The following AGBL1 variants were observed in gnomAD, a reference collection of about 807,000 sequenced individuals.
AGBL1 encodes AGBL carboxypeptidase 1.
Under a neutral mutation model 118.9 loss-of-function variants are expected in AGBL1, and 130 were observed. The ratio of observed to expected loss-of-function variants is 1.09; its 90% CI spans 0.95 to 1.26. AGBL1 has a LOEUF of 1.26. Ranked by LOEUF, AGBL1 falls within the 50% of genes most tolerant of loss-of-function variation. The probability of loss-of-function intolerance (pLI) is 0.00; values close to 1 mark genes in which losing one functional copy is unlikely to be tolerated. For synonymous variants in AGBL1, 555 were observed against 478.9 expected (o/e 1.16, Z -2.08); for missense variants, 1,584 against 1,298.1 (o/e 1.22, Z -3.38).
chr15:86,934,111 A>G (rs1055615328), intron 23 of AGBL1, among the ~76,000 whole-genome samples: 1 of 152,142 alleles, frequency 6.6e-6, no homozygotes, highest in African/African-American at 2.4e-5. Flanking sequence ...TTTTTCATCC[A>G]TTATCTCTTC....
rs1426671482 is a variant in AGBL1 at position 86,909,991 on chromosome 15, G to C, written c.*2697G>C. On this transcript the variant is annotated 3_prime_UTR_variant, in exon 23 of 23. Transcript: ENST00000614907. ...AACTGTGGGTCATGCACTTTACTAA[G>C]CTCTACGGATGCAGATAAGAAAGAC... 6.6e-6 allele frequency: 1 copy of C among 152,210 alleles called. No homozygotes were observed. The highest frequency in any genetic ancestry group is 1.5e-5 in the Non-Finnish European group (1 of 68,044). 9.4% of individuals were successfully genotyped at this position (152,210 alleles called of 1,614,324 possible). A position where few individuals can be genotyped will look rare whatever the true frequency, so the allele number is the denominator to read the frequency against.
intron 23 of AGBL1, among the ~76,000 whole-genome samples, chr15:86,926,011 C>G (rs748593768): frequency 6.6e-6 from 1 of 151,938 alleles, no homozygotes; most frequent in Non-Finnish European, 1.5e-5. Context: ...ATTATAGGTG[C>G]GAAAAGGAGA....
chr15:86,107,141 A>G (rs142961170), intron 1 of AGBL1, among the ~76,000 whole-genome samples: 55 of 152,368 alleles, frequency 3.6e-4, no homozygotes, highest in African/African-American at 1.2e-3. Flanking sequence ...ACCAAGATCC[A>G]TGGAAGATGA....
intron 24 of AGBL1, among the ~76,000 whole-genome samples, chr15:86,995,265 T>G (rs2081369527): frequency 6.6e-6 from 1 of 152,044 alleles, no homozygotes; most frequent in African/African-American, 2.4e-5. Context: ...TGCGTGCTTG[T>G]AATCCCAACT....
At chr15:86,474,015 T>A (rs1175471818) in intron 18 of AGBL1, among the ~76,000 whole-genome samples, 1 of 152,108 alleles carries the variant, frequency 6.6e-6, no homozygotes, top group Non-Finnish European at 1.5e-5. Context: ...AGTAATAAAA[T>A]TGCACTGTTT....
At chr15:86,346,603 C>G (rs568741850) in intron 17 of AGBL1, among the ~76,000 whole-genome samples, 143 of 152,238 alleles carry the variant, frequency 9.4e-4, no homozygotes, top group African/African-American at 3.3e-3. Flanking sequence ...ACCACCTCGG[C>G]CTCCCAAAGT....
At chr15:86,400,748 G>T (rs1050122928) in intron 18 of AGBL1, among the ~76,000 whole-genome samples, 1 of 151,932 alleles carries the variant, frequency 6.6e-6, no homozygotes, top group Admixed American at 6.6e-5. Flanking sequence ...TAGAATAACA[G>T]TCTCCAACTC....
At chr15:86,540,371 A>G (rs1435861341) in intron 19 of AGBL1, among the ~76,000 whole-genome samples, 1 of 152,182 alleles carries the variant, frequency 6.6e-6, no homozygotes, top group African/African-American at 2.4e-5. Flanking sequence ...AGGCAGGCAG[A>G]TTGCCTGAGC....
At chr15:86,590,410 C>G (rs1465907060) in intron 21 of AGBL1, among the ~76,000 whole-genome samples, 1 of 152,146 alleles carries the variant, frequency 6.6e-6, no homozygotes, top group Non-Finnish European at 1.5e-5. Flanking sequence ...CCACTTCACT[C>G]TTGTTCTTCT....
intron 18 of AGBL1, among the ~76,000 whole-genome samples, chr15:86,497,021 T>TATC (rs2082863149): frequency 6.6e-6 from 1 of 152,026 alleles, no homozygotes; most frequent in African/African-American, 2.4e-5. Flanking sequence ...TTTCTTATGT[T>TATC]ATCTAAAGTT....
At chr15:86,221,988 C>A (rs1172765733) in intron 5 of AGBL1, among the ~76,000 whole-genome samples, 1 of 152,122 alleles carries the variant, frequency 6.6e-6, no homozygotes, top group East Asian at 1.9e-4. Flanking sequence ...AACAGTGTGC[C>A]TAGACAGTCT....
chr15:86,987,707 A>G (rs2081298665), intron 23 of AGBL1, among the ~76,000 whole-genome samples: 1 of 152,140 alleles, frequency 6.6e-6, no homozygotes, highest in African/African-American at 2.4e-5. Context: ...ATTCATAACT[A>G]CGGTACCATA....
chr15:86,176,407 A>G (rs1262204353), intron 5 of AGBL1, among the ~76,000 whole-genome samples: 1 of 152,176 alleles, frequency 6.6e-6, no homozygotes. Context: ...GTGTCTGGGG[A>G]TGCAAGGTTG....
intron 22 of AGBL1, among the ~76,000 whole-genome samples, chr15:86,803,502 A>G (rs1193514202): frequency 2.6e-5 from 4 of 152,124 alleles, no homozygotes; most frequent in Non-Finnish European, 5.9e-5. Flanking sequence ...AAACACTAAT[A>G]TGTATATCAA....
chr15:87,006,875 G>A (rs1384620525), intron 24 of AGBL1, among the ~76,000 whole-genome samples: 2 of 152,172 alleles, frequency 1.3e-5, no homozygotes, highest in African/African-American at 4.8e-5. Flanking sequence ...TGGAATGAGA[G>A]AAAAGTAAAG....
chr15:87,025,381 T>C (rs1331535464), intron 24 of AGBL1, among the ~76,000 whole-genome samples: 2 of 151,362 alleles, frequency 1.3e-5, no homozygotes, highest in Non-Finnish European at 3.0e-5. Context: ...CCTTTTAAAA[T>C]AGCTGCAAAA....
At chr15:86,549,206 G>A (rs1362152197) in intron 20 of AGBL1, among the ~76,000 whole-genome samples, 4 of 151,988 alleles carry the variant, frequency 2.6e-5, no homozygotes, top group Non-Finnish European at 5.9e-5. Context: ...AAAAATATAT[G>A]TCTCTAGAGG....
intron 5 of AGBL1, among the ~76,000 whole-genome samples, chr15:86,183,384 T>A (rs2077579961): frequency 6.6e-6 from 1 of 152,172 alleles, no homozygotes. Context: ...ACCCTCACTT[T>A]ATAAACAGGG....
chr15:86,952,459 A>G (rs77856239), intron 23 of AGBL1, among the ~76,000 whole-genome samples: 1,607 of 152,302 alleles, frequency 0.011, 20 homozygotes, highest in African/African-American at 0.035. Flanking sequence ...GATTATTGAT[A>G]TAACTGTAAT....
Sources: gnomAD v4.1 joint callset for allele counts (sites outside exome capture counted in the v4.1 genomes callset) on GRCh38, gnomAD v4.1.1 for gene constraint, MANE v1.5 for transcripts, NCBI Gene and HGNC (gene_info 2026-07-23, HGNC 2026-07-21) for gene names.